Variants in TMPRSS11F observed in about 807,000 individuals in gnomAD.
TMPRSS11F encodes the protein transmembrane serine protease 11F, also known as transmembrane protease serine 11F.
TMPRSS11F carries 47 observed loss-of-function variants against 60.2 expected under a neutral mutation model. That is an observed-to-expected ratio of 0.78 (90% CI 0.62 to 1.00). The LOEUF is 1.00. Ranked by LOEUF, TMPRSS11F falls within the 50% of genes least tolerant of loss-of-function variation. The pLI is 0.00. For synonymous variants in TMPRSS11F, 166 were observed against 167.3 expected (o/e 0.99, Z 0.06); for missense variants, 519 against 522.9 (o/e 0.99, Z 0.07).
At chr4:68,114,713 G>A (rs1323475792) in intron 1 of TMPRSS11F, among the ~76,000 whole-genome samples, 1 of 149,786 alleles carries the variant, frequency 6.7e-6, no homozygotes, top group Non-Finnish European at 1.5e-5. Context: ...GTTTCCCAAA[G>A]GGAACTGGAA....
intron 4 of TMPRSS11F, among the ~76,000 whole-genome samples, chr4:68,073,640 G>A (rs977630487): frequency 2.6e-5 from 4 of 151,704 alleles, no homozygotes; most frequent in Non-Finnish European, 5.9e-5. Context: ...TGAAAAAGAC[G>A]TTAAGTTCTA....
intron 6 of TMPRSS11F, among the ~76,000 whole-genome samples, chr4:68,069,733 G>A (rs954181034): frequency 3.3e-5 from 5 of 151,872 alleles, no homozygotes; most frequent in African/African-American, 1.2e-4. Context: ...AGAATATTAT[G>A]TAAGGTGTTT....
intron 6 of TMPRSS11F, 52 bp from the exon 7 acceptor site, chr4:68,068,871 A>G: frequency 6.3e-7 from 1 of 1,583,122 alleles, no homozygotes; most frequent in African/African-American, 1.3e-5. Context: ...GGAAAAAAGT[A>G]TATTCTGATT....
intron 8 of TMPRSS11F, among the ~76,000 whole-genome samples, chr4:68,060,505 G>A (rs1371668503): frequency 1.1e-5 from 1 of 88,816 alleles, no homozygotes. Context: ...GACAGAGTGA[G>A]ACTCCAACTC....
chr4:68,108,790 G>C (rs1724351453), intron 1 of TMPRSS11F, among the ~76,000 whole-genome samples: 1 of 152,190 alleles, frequency 6.6e-6, no homozygotes, highest in Admixed American at 6.5e-5. Flanking sequence ...AGAGAAGTTA[G>C]TCTTTGATAA....
At chr4:68,070,989 T>C (rs1333260061) in intron 5 of TMPRSS11F, among the ~76,000 whole-genome samples, 2 of 152,074 alleles carry the variant, frequency 1.3e-5, no homozygotes, top group African/African-American at 4.8e-5. Context: ...TCATAAAAAA[T>C]CATTGTATGT....
chr4:68,062,458 C>T (rs1723204551), intron 8 of TMPRSS11F: 1 of 656,542 alleles, frequency 1.5e-6, no homozygotes, highest in East Asian at 3.1e-5. Flanking sequence ...CAAAGAACAG[C>T]TCTTCCAATG....
At chr4:68,065,908 GA>G (rs1723316093) in intron 7 of TMPRSS11F, among the ~76,000 whole-genome samples, 1 of 152,088 alleles carries the variant, frequency 6.6e-6, no homozygotes, top group African/African-American at 2.4e-5. Flanking sequence ...ATGAGGTCAG[GA>G]GTTCAAGACC....
chr4:68,126,648 T>C (rs1306542837), intron 1 of TMPRSS11F, among the ~76,000 whole-genome samples: 2 of 152,216 alleles, frequency 1.3e-5, no homozygotes, highest in Non-Finnish European at 2.9e-5. Flanking sequence ...AATGTACAAA[T>C]GTTGAGAGTC....
At chr4:68,082,671 C>T (rs896532948) in intron 3 of TMPRSS11F, among the ~76,000 whole-genome samples, 1 of 152,252 alleles carries the variant, frequency 6.6e-6, no homozygotes, top group Non-Finnish European at 1.5e-5. Context: ...GATAAAGCTG[C>T]AGGCTCAATC....
intron 1 of TMPRSS11F, among the ~76,000 whole-genome samples, chr4:68,124,001 C>T (rs750904148): frequency 1.3e-5 from 2 of 151,896 alleles, no homozygotes; most frequent in Non-Finnish European, 2.9e-5. Flanking sequence ...CAGGTAGATC[C>T]CCTGAGGCCA....
chr4:68,062,608 C>T (rs752550991), intron 8 of TMPRSS11F: 6 of 856,608 alleles, frequency 7.0e-6, no homozygotes, highest in African/African-American at 1.7e-5. Context: ...TCATTTCAGT[C>T]CAGTGATTGA....
chr4:68,126,498 C>T (rs1315917221), intron 1 of TMPRSS11F, among the ~76,000 whole-genome samples: 1 of 152,164 alleles, frequency 6.6e-6, no homozygotes, highest in Admixed American at 6.5e-5. Flanking sequence ...ATCTCACAGG[C>T]CTTCTTTGAG....
chr4:68,092,730 G>A (rs1723969795), intron 2 of TMPRSS11F, among the ~76,000 whole-genome samples: 1 of 110,468 alleles, frequency 9.1e-6, no homozygotes, highest in South Asian at 3.0e-4. Flanking sequence ...ACAAAAAAAA[G>A]ATTAAAATTA....
chr4:68,102,351 G>C (rs1012760996), intron 1 of TMPRSS11F, among the ~76,000 whole-genome samples: 3 of 152,126 alleles, frequency 2.0e-5, no homozygotes, highest in Non-Finnish European at 2.9e-5. Context: ...AGAGATTGCT[G>C]AGTCGTATGG....
At chr4:68,099,896 A>G (rs1258248781) in intron 1 of TMPRSS11F, among the ~76,000 whole-genome samples, 1 of 152,196 alleles carries the variant, frequency 6.6e-6, no homozygotes, top group Non-Finnish European at 1.5e-5. Flanking sequence ...ACAGACATGG[A>G]AACAAGTAGT....
Position 68,097,445 on chromosome 4 carries a change from C to T in TMPRSS11F, c.163+1442G>A, listed in dbSNP as rs1387070312. On this transcript the variant is annotated intron_variant, in intron 2 of 9. Coordinates refer to ENST00000356291, the MANE Select transcript of TMPRSS11F (RefSeq NM_207407.2). ...CTTTTGTTGTTCTTCCTCCTTTGACCTTCTTTCCTCCCTTTTATTAGGACC... is the reference window on the plus strand; with the variant it reads ...CTTTTGTTGTTCTTCCTCCTTTGACTTTCTTTCCTCCCTTTTATTAGGACC... 3.3e-5 allele frequency among the ~76,000 whole-genome samples: 5 copies of T among 152,096 alleles called. No individual in the cohort carries two copies. The East Asian group carries it at 9.6e-4, about 29-fold the overall frequency.
chr4:68,054,339 T>G (rs185576105), intron 9 of TMPRSS11F, among the ~76,000 whole-genome samples: 44 of 152,250 alleles, frequency 2.9e-4, no homozygotes, highest in Admixed American at 2.8e-3. Context: ...TGAACAGGCC[T>G]GTTTAGCATG....
At chr4:68,100,082 G>T (rs754395784) in intron 1 of TMPRSS11F, among the ~76,000 whole-genome samples, 1 of 151,628 alleles carries the variant, frequency 6.6e-6, no homozygotes, top group African/African-American at 2.4e-5. Flanking sequence ...CATGTGGGGC[G>T]TTGGGGGGAA....
Sources: gnomAD v4.1 joint callset for allele counts (sites outside exome capture counted in the v4.1 genomes callset) on GRCh38, gnomAD v4.1.1 for gene constraint, MANE v1.5 for transcripts, NCBI Gene and HGNC (gene_info 2026-07-23, HGNC 2026-07-21) for gene names.